KLHL1: variants seen among roughly 807,000 people sequenced by gnomAD.
The protein encoded by KLHL1 is kelch-like protein 1.
A neutral mutation model predicts 77.7 loss-of-function variants in KLHL1; 47 were observed. The observed-to-expected ratio is 0.60, with a 90% CI of 0.48 to 0.77. KLHL1 has a LOEUF of 0.77. KLHL1 is among the 30% of genes least tolerant of loss of function. The pLI is 0.00. For missense variants in KLHL1, 925 were observed against 910.8 expected (o/e 1.02, Z -0.20); for synonymous variants, 360 against 325.2 (o/e 1.11, Z -1.15).
chr13:69,783,276 C>T (rs1474937979), intron 7 of KLHL1, among the ~76,000 whole-genome samples: 3 of 152,182 alleles, frequency 2.0e-5, no homozygotes, highest in African/African-American at 2.4e-5. Context: ...ACCTCTCCTC[C>T]TCCAAAGGAA....
chr13:69,760,331 CA>C (rs1443906738), intron 7 of KLHL1, among the ~76,000 whole-genome samples: 2 of 150,772 alleles, frequency 1.3e-5, no homozygotes, highest in Non-Finnish European at 3.0e-5. Context: ...GTAACTAAAC[CA>C]AAAGGTTAGG....
intron 4 of KLHL1, among the ~76,000 whole-genome samples, chr13:69,938,108 C>T (rs952156141): frequency 1.3e-5 from 2 of 152,006 alleles, no homozygotes; most frequent in African/African-American, 4.8e-5. Flanking sequence ...CCTGATTGGA[C>T]AAGGATCAGA....
At chr13:69,718,575 T>G (rs1254849211) in intron 9 of KLHL1, among the ~76,000 whole-genome samples, 1 of 152,112 alleles carries the variant, frequency 6.6e-6, no homozygotes, top group African/African-American at 2.4e-5. Flanking sequence ...ATATTCCCTA[T>G]CCTCATTTCC....
Position 70,107,934 on chromosome 13 carries a change from AC to A in KLHL1, c.-236del. On this transcript the variant is annotated 5_prime_UTR_variant, in exon 1 of 11. Transcript: ENST00000377844. ...GTCCGCAGGACCTGGGCGTGGGGACACCACCAGGCAGGAGCAGAGGCAGGAC... is the reference window on the plus strand; with the variant it reads ...GTCCGCAGGACCTGGGCGTGGGGACACACCAGGCAGGAGCAGAGGCAGGAC... 2.1e-6 allele frequency: 1 copy of A among 480,890 alleles called. No individual in the cohort carries two copies. 29.8% of individuals were successfully genotyped at this position (480,890 alleles called of 1,614,324 possible). A position where few individuals can be genotyped will look rare whatever the true frequency, so the allele number is the denominator to read the frequency against.
At position 69,742,352 on chromosome 13, in the gene KLHL1, C is replaced by T. The variant is rs77697559; in HGVS notation, c.1640-1796G>A. On this transcript the variant is annotated intron_variant, in intron 7 of 10. Coordinates refer to ENST00000377844, the MANE Select transcript of KLHL1 (RefSeq NM_020866.3). ...AAATAACCTCCTTTTAAATATATTC[C>T]GGAAAAAAGGACACTCAGTAACTTG... Among the ~76,000 whole-genome samples, 1,258 of 151,992 alleles carry T rather than the reference C, an allele frequency of 8.3e-3. 12 individuals are homozygous for T. Among genetic ancestry groups the T allele is most frequent in the African/African-American group, 0.029 (1,205 of 41,464 alleles).
intron 1 of KLHL1, among the ~76,000 whole-genome samples, chr13:70,088,431 A>G (rs1365565921): frequency 6.6e-6 from 1 of 152,182 alleles, no homozygotes; most frequent in Non-Finnish European, 1.5e-5. Flanking sequence ...TGTAATTTCA[A>G]CACTTGGGGA....
intron 4 of KLHL1, among the ~76,000 whole-genome samples, chr13:69,909,270 C>G (rs1359699316): frequency 6.6e-6 from 1 of 151,782 alleles, no homozygotes; most frequent in African/African-American, 2.4e-5. Flanking sequence ...AAAGCTTGCA[C>G]AGAATAAGCA....
chr13:70,031,811 A>C (rs7997609), intron 1 of KLHL1, among the ~76,000 whole-genome samples: 38,228 of 152,182 alleles, frequency 0.25, 5,245 homozygotes, highest in African/African-American at 0.37. Context: ...GAAATGCAAA[A>C]TATAAAACAA....
chr13:69,933,803 A>T (rs184779231), intron 4 of KLHL1, among the ~76,000 whole-genome samples: 1 of 152,012 alleles, frequency 6.6e-6, no homozygotes, highest in African/African-American at 2.4e-5. Context: ...AGGGGGAAAA[A>T]AAAATACTTG....
chr13:69,856,091 T>G (rs1879909409), intron 5 of KLHL1, among the ~76,000 whole-genome samples: 1 of 151,574 alleles, frequency 6.6e-6, no homozygotes, highest in Non-Finnish European at 1.5e-5. Context: ...ACTGCATTTC[T>G]TCTGGACTAT....
At chr13:69,737,427 G>A (rs1051507826) in intron 8 of KLHL1, among the ~76,000 whole-genome samples, 2 of 152,258 alleles carry the variant, frequency 1.3e-5, no homozygotes, top group African/African-American at 2.4e-5. Context: ...AAGCTAAAAC[G>A]TAATGGCTTG....
intron 1 of KLHL1, among the ~76,000 whole-genome samples, chr13:69,997,470 T>A (rs1037230761): frequency 7.3e-5 from 11 of 151,170 alleles, no homozygotes; most frequent in Admixed American, 2.0e-4. Context: ...CCATTTTCTC[T>A]CCCTTCTAGC....
rs369955860 is a variant in KLHL1 at position 69,785,282 on chromosome 13, G to T, written c.1639+11456C>A. Among the ~76,000 whole-genome samples the T allele has an allele frequency of 2.0e-5, 3 of 152,220 alleles. No homozygotes were observed. The East Asian group carries it at 5.8e-4, about 29-fold the overall frequency. ...AAAGCACTCCTCATCAAATGTAAAA[G>T]AATAGAAATTATAACGAACTGTCTC... On this transcript the variant is annotated intron_variant, in intron 7 of 10. Coordinates refer to ENST00000377844, the MANE Select transcript of KLHL1 (RefSeq NM_020866.3).
intron 8 of KLHL1, among the ~76,000 whole-genome samples, chr13:69,733,668 A>T (rs943122682): frequency 6.6e-6 from 1 of 151,992 alleles, no homozygotes; most frequent in African/African-American, 2.4e-5. Context: ...ATGGATAAAG[A>T]TAAATAAAAG....
At chr13:70,055,570 G>T (rs1348668953) in intron 1 of KLHL1, among the ~76,000 whole-genome samples, 1 of 152,010 alleles carries the variant, frequency 6.6e-6, no homozygotes, top group Non-Finnish European at 1.5e-5. Flanking sequence ...AGTAGAAAGA[G>T]TAAAAGACAA....
chr13:70,083,954 A>T (rs1021943644), intron 1 of KLHL1, among the ~76,000 whole-genome samples: 1 of 152,154 alleles, frequency 6.6e-6, no homozygotes, highest in African/African-American at 2.4e-5. Flanking sequence ...AAATAATAAT[A>T]AAATTTAAAA....
chr13:70,074,755 A>AC (rs1887219720), intron 1 of KLHL1, among the ~76,000 whole-genome samples: 1 of 151,472 alleles, frequency 6.6e-6, no homozygotes, highest in Non-Finnish European at 1.5e-5. Context: ...AAAAAAAAAA[A>AC]ATTATGCTGT....
chr13:69,929,773 G>T, intron 4 of KLHL1, among the ~76,000 whole-genome samples: 1 of 151,726 alleles, frequency 6.6e-6, no homozygotes, highest in Admixed American at 6.6e-5. Context: ...AAAACTATTT[G>T]CACGGGATTA....
chr13:70,057,782 C>CAAAAAAAAAAAA (rs60920874), intron 1 of KLHL1, among the ~76,000 whole-genome samples: 1 of 62,258 alleles, frequency 1.6e-5, no homozygotes, highest in Non-Finnish European at 2.8e-5. Flanking sequence ...GACTCCGTCT[C>CAAAAAAAAAAAA]AAAAAAAAAA....
Sources: gnomAD v4.1 joint callset for allele counts (sites outside exome capture counted in the v4.1 genomes callset) on GRCh38, gnomAD v4.1.1 for gene constraint, MANE v1.5 for transcripts, NCBI Gene and HGNC (gene_info 2026-07-23, HGNC 2026-07-21) for gene names.